Variants in PLEKHH2 observed in about 807,000 individuals in gnomAD.
The protein encoded by PLEKHH2 is pleckstrin homology, MyTH4 and FERM domain containing H2, also known as pleckstrin homology domain-containing family H member 2.
A neutral mutation model predicts 187.9 loss-of-function variants in PLEKHH2; 129 were observed. The observed-to-expected ratio is 0.69, with a 90% CI of 0.59 to 0.79. The LOEUF (loss-of-function observed/expected upper bound fraction) is 0.79, where lower values mean the gene tolerates loss of function less well. PLEKHH2 is among the 30% of genes least tolerant of loss of function. The pLI is 0.00. For missense variants in PLEKHH2, 2,076 were observed against 1,751.2 expected (o/e 1.19, Z -3.31); for synonymous variants, 686 against 605.6 (o/e 1.13, Z -1.95).
At chr2:43,641,975 C>T (rs1418929668) in intron 1 of PLEKHH2, among the ~76,000 whole-genome samples, 29 of 152,126 alleles carry the variant, frequency 1.9e-4, no homozygotes. Context: ...CTTGAATTTC[C>T]AGGCAAAGTT....
chr2:43,742,966 C>T, intron 22 of PLEKHH2, 48 bp downstream of exon 22: 1 of 1,377,416 alleles, frequency 7.3e-7, no homozygotes, highest in East Asian at 2.6e-5. Context: ...CTATGTACAA[C>T]CTCTGTTATA....
At chr2:43,715,723 G>A (rs568139335) in intron 15 of PLEKHH2, among the ~76,000 whole-genome samples, 23 of 152,332 alleles carry the variant, frequency 1.5e-4, no homozygotes, top group African/African-American at 5.3e-4. Flanking sequence ...GCTCAGGAAA[G>A]AGGAGCAGTT....
At chr2:43,638,248 AACACACACACACACACACACAC>A (rs70965309) in intron 1 of PLEKHH2, among the ~76,000 whole-genome samples, 3 of 148,872 alleles carry the variant, frequency 2.0e-5, no homozygotes, top group African/African-American at 4.9e-5. Flanking sequence ...AAGATCTTTT[AACACACACACACACACACACAC>A]ACACACACAC....
chr2:43,758,037 AGAAGC>A (rs1672285173), intron 26 of PLEKHH2, among the ~76,000 whole-genome samples: 1 of 152,230 alleles, frequency 6.6e-6, no homozygotes, highest in Non-Finnish European at 1.5e-5. Flanking sequence ...ATATATAAAG[AGAAGC>A]TGATTAGATT....
chr2:43,650,053 G>A (rs561036110), intron 2 of PLEKHH2, among the ~76,000 whole-genome samples: 2 of 148,836 alleles, frequency 1.3e-5, no homozygotes, highest in African/African-American at 5.0e-5. Flanking sequence ...GCTTCATTTT[G>A]TTATTACATA....
intron 9 of PLEKHH2, among the ~76,000 whole-genome samples, chr2:43,704,447 G>A (rs1317487613): frequency 6.6e-6 from 1 of 151,872 alleles, no homozygotes; most frequent in East Asian, 1.9e-4. Flanking sequence ...AGATCACGAA[G>A]TCAGGAGATC....
intron 8 of PLEKHH2, among the ~76,000 whole-genome samples, chr2:43,702,944 C>T (rs1424792807): frequency 6.6e-6 from 1 of 152,138 alleles, no homozygotes; most frequent in Non-Finnish European, 1.5e-5. Flanking sequence ...AACCACTTTC[C>T]CCCAGTCTCC....
intron 3 of PLEKHH2, among the ~76,000 whole-genome samples, chr2:43,689,278 G>C (rs1203999910): frequency 3.9e-5 from 6 of 152,188 alleles, no homozygotes; most frequent in Non-Finnish European, 7.3e-5. Context: ...TGAGGAGTGT[G>C]CTGAGGTGGG....
At chr2:43,655,439 A>C (rs978213372) in intron 2 of PLEKHH2, among the ~76,000 whole-genome samples, 1 of 152,200 alleles carries the variant, frequency 6.6e-6, no homozygotes, top group South Asian at 2.1e-4. Context: ...TTTAGATAAC[A>C]CTTTAGAAAC....
intron 24 of PLEKHH2, among the ~76,000 whole-genome samples, chr2:43,752,286 C>T (rs1460514678): frequency 6.6e-6 from 1 of 152,166 alleles, no homozygotes; most frequent in Admixed American, 6.5e-5. Context: ...CCATATTCTA[C>T]TACCAGTTTA....
chr2:43,700,520 A>C lies in PLEKHH2; in HGVS notation c.1562A>C (p.Asn521Thr). 1 of 1,614,060 alleles carries C rather than the reference A, an allele frequency of 6.2e-7. No homozygotes were observed. Among genetic ancestry groups the C allele is most frequent in the Non-Finnish European group, 8.5e-7 (1 of 1,180,016 alleles). Residue 521 changes from asparagine to threonine, a missense_variant, in exon 8 of 30, where the codon AAT (asparagine) becomes ACT (threonine). Asn to Thr is a moderately conservative substitution (Grantham distance 65). Coordinates refer to ENST00000282406, the MANE Select transcript of PLEKHH2 (RefSeq NM_172069.4). The stretch of plus-strand genomic sequence containing the variant: ...TCCTATGACTCCTTGGACTCTCCAA[A>C]TTCAGATGACCAGGAACACTGTGAC... ...LFSYDSLDSPNSDDQEHCDSA... is the reference protein window; with the variant it reads ...LFSYDSLDSPTSDDQEHCDSA...
rs1669877359 is a variant in PLEKHH2, at chr2:43,710,058, A to G, written c.2035A>G (p.Thr679Ala). The change falls in exon 12 of 30, where the codon ACG becomes GCG. Residue 679 changes from threonine (T) to alanine (A), a missense_variant. Coordinates refer to ENST00000282406, the MANE Select transcript of PLEKHH2 (RefSeq NM_172069.4). ...TCCTCCTGATGCTTACTCCACAGACACGGAGTACTCACAGCCAGAGCAGAA... is the reference window on the plus strand; with the variant it reads ...TCCTCCTGATGCTTACTCCACAGACGCGGAGTACTCACAGCCAGAGCAGAA... Reference protein sequence around the residue: ...AIPPDAYSTDTEYSQPEQKLP... With the variant: ...AIPPDAYSTDAEYSQPEQKLP... The G allele has an allele frequency of 1.2e-6, 2 of 1,612,436 alleles. No homozygotes were observed. Among genetic ancestry groups the G allele is most frequent in the South Asian group, 1.1e-5 (1 of 91,054 alleles).
chr2:43,694,551 T>C, intron 5 of PLEKHH2, 37 bp downstream of exon 5: 3 of 1,491,154 alleles, frequency 2.0e-6, no homozygotes, highest in Non-Finnish European at 2.7e-6. Context: ...TCTTTACCTT[T>C]TACTTCTTTT....
intron 1 of PLEKHH2, among the ~76,000 whole-genome samples, chr2:43,638,247 TAACACACACACA>T (rs1703207087): frequency 1.6e-5 from 2 of 124,474 alleles, no homozygotes; most frequent in Non-Finnish European, 3.4e-5. Flanking sequence ...AAAGATCTTT[TAACACACACACA>T]CACACACACA....
At chr2:43,675,663 C>T in intron 2 of PLEKHH2, 4 of 1,613,938 alleles carry the variant, frequency 2.5e-6, no homozygotes, top group Non-Finnish European at 3.4e-6. Flanking sequence ...GGCATATTGC[C>T]AGCTGCTTAT....
Position 43,645,175 on chromosome 2 carries a change from C to T in PLEKHH2, c.123+379C>T, listed in dbSNP as rs777774677. On this transcript the variant is annotated intron_variant, in intron 2 of 29. Coordinates refer to ENST00000282406, the MANE Select transcript of PLEKHH2 (RefSeq NM_172069.4). ...TATTGATAGTAAAATGTGTTTATAC[C>T]GTATTTGAAAGATGTATCTACTTAG... Among the ~76,000 whole-genome samples the T allele has an allele frequency of 5.3e-5, 8 of 151,780 alleles. 1 individual carries two copies. Among genetic ancestry groups the T allele is most frequent in the African/African-American group, 1.5e-4 (6 of 41,332 alleles).
chr2:43,712,437 T>C lies in PLEKHH2; in HGVS notation c.2460+54T>C, dbSNP rs1420218494. ...CCAGGCAGCTATGGGCATGAGCCCA[T>C]GATCGCTGAAAATGGGATGTCAGAG... On this transcript the variant is annotated intron_variant, in intron 15 of 29. Transcript: ENST00000282406. The C allele has an allele frequency of 4.5e-6, 7 of 1,553,068 alleles. No individual in the cohort carries two copies. The East Asian group carries it at 1.4e-4, about 30-fold the overall frequency.
chr2:43,708,357 G>A (rs774570221), intron 11 of PLEKHH2, among the ~76,000 whole-genome samples: 9 of 152,112 alleles, frequency 5.9e-5, no homozygotes, highest in Non-Finnish European at 1.0e-4. Flanking sequence ...AGTCTCACTG[G>A]CCCTCTTGCT....
At chr2:43,727,276 G>C (rs898686811) in intron 17 of PLEKHH2, among the ~76,000 whole-genome samples, 12 of 152,122 alleles carry the variant, frequency 7.9e-5, no homozygotes, top group Non-Finnish European at 1.5e-4. Flanking sequence ...GCCAGGCGAG[G>C]TGGCGTGTGC....
Sources: gnomAD v4.1 joint callset for allele counts (sites outside exome capture counted in the v4.1 genomes callset) on GRCh38, gnomAD v4.1.1 for gene constraint, MANE v1.5 for transcripts, NCBI Gene and HGNC (gene_info 2026-07-23, HGNC 2026-07-21) for gene names.